The following LPCAT1 variants were observed in gnomAD, a reference collection of about 807,000 sequenced individuals.
LPCAT1 encodes the protein lysophosphatidylcholine acyltransferase 1.
Under a neutral mutation model 60.9 loss-of-function variants are expected in LPCAT1, and 23 were observed. That is an observed-to-expected ratio of 0.38 (90% confidence interval 0.27 to 0.53). The LOEUF (loss-of-function observed/expected upper bound fraction) is 0.53. Ranked by LOEUF, LPCAT1 falls within the 20% of genes least tolerant of loss-of-function variation. The probability of loss-of-function intolerance (pLI) is 0.82; values close to 1 mark genes in which losing one functional copy is unlikely to be tolerated. For missense variants in LPCAT1, 622 were observed against 723.6 expected, an observed-to-expected ratio of 0.86 and a Z score of 1.61; for synonymous variants, 340 against 301.1, an observed-to-expected ratio of 1.13 and a Z score of -1.34.
chr5:1,511,981 C>T (rs1736368547), intron 1 of LPCAT1, among the ~76,000 whole-genome samples: 1 of 152,226 alleles, frequency 6.6e-6, no homozygotes, highest in Non-Finnish European at 1.5e-5. Flanking sequence ...AGCATCACTT[C>T]CCGGTCTCAG....
At chr5:1,468,147 C>T (rs142417566) in intron 12 of LPCAT1, among the ~76,000 whole-genome samples, 15 of 152,190 alleles carry the variant, frequency 9.9e-5, no homozygotes, top group African/African-American at 3.4e-4. Context: ...ACCCTCTTCC[C>T]GGGGCTCTGC....
At position 1,495,055 on chromosome 5, in the gene LPCAT1, T is replaced by C. The variant is rs1399859192; in HGVS notation, c.279-141A>G. 2 of 728,246 alleles carry C rather than the reference T, an allele frequency of 2.7e-6. No homozygotes were observed. Among genetic ancestry groups the C allele is most frequent in the Non-Finnish European group, 4.4e-6 (2 of 452,290 alleles). 45.1% of individuals were successfully genotyped at this position (728,246 alleles called of 1,614,324 possible). On this transcript the variant is annotated intron_variant, in intron 2 of 13. Coordinates refer to ENST00000283415, the MANE Select transcript of LPCAT1 (RefSeq NM_024830.5). This position sits in a 1 kb window ranked among gnomAD's most constrained non-coding sequence, Gnocchi z 4.7. ...TCCTGTGGTCGCCGCCGCTGGGACA[T>C]CTGCTTGAGGGAAGAAAAGACGCCG...
In LPCAT1 at chr5:1,477,134, A is replaced by C. The variant is rs1161007349; in HGVS notation, c.899+270T>G. On this transcript the variant is annotated intron_variant, in intron 9 of 13. Transcript: ENST00000283415. This position sits in a 1 kb window ranked among gnomAD's most constrained non-coding sequence, Gnocchi z 6.0. ...CTGGCTCATTTAGGGCACAGGAAAC[A>C]TAGGACCTGGGGTGACCAACGGCTG... 6.6e-6 allele frequency among the ~76,000 whole-genome samples: 1 copy of C among 152,222 alleles called. No homozygotes were observed. Among genetic ancestry groups the C allele is most frequent in the Admixed American group, 6.5e-5 (1 of 15,288 alleles).
At chr5:1,475,752 CCCCG>C (rs1734882482) in intron 9 of LPCAT1, among the ~76,000 whole-genome samples, 1 of 151,908 alleles carries the variant, frequency 6.6e-6, no homozygotes, top group African/African-American at 2.4e-5. Flanking sequence ...GGCTGCACGG[CCCCG>C]CCCAGGCCCA....
At chr5:1,509,043 G>A (rs1018349939) in intron 1 of LPCAT1, among the ~76,000 whole-genome samples, 6 of 152,252 alleles carry the variant, frequency 3.9e-5, no homozygotes, top group African/African-American at 9.6e-5. Flanking sequence ...GGGATGCTGC[G>A]GCCCCTCCGA....
intron 1 of LPCAT1, among the ~76,000 whole-genome samples, chr5:1,519,047 G>A (rs1736593234): frequency 6.6e-6 from 1 of 152,262 alleles, no homozygotes; most frequent in African/African-American, 2.4e-5. Context: ...AGACCCAGAA[G>A]CTGCAGAGTT....
At chr5:1,474,482 C>T in intron 10 of LPCAT1, 78 bp downstream of exon 10, 1 of 1,547,636 alleles carries the variant, frequency 6.5e-7, no homozygotes, top group South Asian at 1.2e-5. Context: ...CCCCTCCCTG[C>T]AACCCCAGGC....
chr5:1,489,047 C>T (rs1735472087), intron 4 of LPCAT1, among the ~76,000 whole-genome samples: 1 of 152,216 alleles, frequency 6.6e-6, no homozygotes, highest in Non-Finnish European at 1.5e-5. Context: ...CAGTTCTGGG[C>T]CCCGTGAGGA....
At chr5:1,488,317 C>T in intron 5 of LPCAT1, 74 bp downstream of exon 5, 1 of 946,410 alleles carries the variant, frequency 1.1e-6, no homozygotes, top group Non-Finnish European at 1.6e-6. Context: ...GTGCACAGCA[C>T]ATTATTAAAA....
chr5:1,464,577 C>T (rs575231231), intron 13 of LPCAT1, among the ~76,000 whole-genome samples: 3 of 152,176 alleles, frequency 2.0e-5, no homozygotes, highest in Admixed American at 1.3e-4. Flanking sequence ...CACACACACA[C>T]GGTAACCAAA....
At chr5:1,511,616 C>T (rs1462171864) in intron 1 of LPCAT1, among the ~76,000 whole-genome samples, 1 of 152,246 alleles carries the variant, frequency 6.6e-6, no homozygotes, top group African/African-American at 2.4e-5. Flanking sequence ...GCTCACCTTA[C>T]GTGGGGATGC....
chr5:1,479,153 T>A (rs145240585), intron 8 of LPCAT1, among the ~76,000 whole-genome samples: 73 of 152,330 alleles, frequency 4.8e-4, no homozygotes, highest in African/African-American at 1.5e-3. Context: ...CCCCGCACTT[T>A]AGGAGGCCAA....
At chr5:1,498,718 A>G (rs1304778743) in intron 2 of LPCAT1, among the ~76,000 whole-genome samples, 1 of 152,160 alleles carries the variant, frequency 6.6e-6, no homozygotes, top group Non-Finnish European at 1.5e-5. Context: ...CACGATACAG[A>G]CATCCATCCA....
rs1252986684 is a variant in LPCAT1 at position 1,466,822 on chromosome 5, C to CA, written c.1346dup (p.Val451GlyfsTer14). 6.2e-7 allele frequency: 1 copy of CA among 1,613,534 alleles called. No homozygotes were observed. The highest frequency in any genetic ancestry group is 8.5e-7 in the Non-Finnish European group (1 of 1,179,620). On this transcript the variant is annotated frameshift_variant, in exon 13 of 14. Coordinates refer to ENST00000283415, the MANE Select transcript of LPCAT1 (RefSeq NM_024830.5). LOFTEE classifies it high-confidence loss of function. The stretch of plus-strand genomic sequence containing the variant: ...CGGTCACGGTGAGCTCTGCCACCCC[C>CA]AGGGCCGTCTTGAGGATGCAGGACA...
Position 1,462,316 on chromosome 5 carries a change from T to TA in LPCAT1, c.*1334dup, listed in dbSNP as rs1407893621. ...GAAGGATGGGTTTCTAATTCTGTCA[T>TA]AAAAAATGATGAAACAAGGTGATGT... On this transcript the variant is annotated 3_prime_UTR_variant, in exon 14 of 14. Coordinates refer to ENST00000283415, the MANE Select transcript of LPCAT1 (RefSeq NM_024830.5). The TA allele has an allele frequency of 6.6e-6, 1 of 152,490 alleles. No individual in the cohort carries two copies. The highest frequency in any genetic ancestry group is 1.5e-5 in the Non-Finnish European group (1 of 68,010). 9.4% of individuals were successfully genotyped at this position (152,490 alleles called of 1,614,324 possible).
At chr5:1,485,791 G>C (rs2126538677) in intron 5 of LPCAT1, among the ~76,000 whole-genome samples, 1 of 151,648 alleles carries the variant, frequency 6.6e-6, no homozygotes, top group East Asian at 1.9e-4. Context: ...CCACATCCAT[G>C]TCTGCTCACA....
At chr5:1,498,773 A>C (rs762489843) in intron 2 of LPCAT1, among the ~76,000 whole-genome samples, 4 of 152,172 alleles carry the variant, frequency 2.6e-5, no homozygotes, top group Non-Finnish European at 4.4e-5. Context: ...CAACACACAC[A>C]GGTACACAGC....
chr5:1,516,874 C>T (rs1736520956), intron 1 of LPCAT1, among the ~76,000 whole-genome samples: 1 of 152,194 alleles, frequency 6.6e-6, no homozygotes, highest in African/African-American at 2.4e-5. Flanking sequence ...AAGCTGGGAG[C>T]TGACTGTGCT....
intron 1 of LPCAT1, among the ~76,000 whole-genome samples, chr5:1,516,185 A>C (rs1736500729): frequency 6.6e-6 from 1 of 152,186 alleles, no homozygotes; most frequent in South Asian, 2.1e-4. Flanking sequence ...CTCTTTACAG[A>C]GACTTCCCCA....
Sources: allele counts gnomAD v4.1 joint callset (sites outside exome capture counted in the v4.1 genomes callset), GRCh38; gene constraint gnomAD v4.1.1; non-coding constraint Gnocchi (gnomAD v3.1); transcripts MANE v1.5; gene names NCBI Gene and HGNC (gene_info 2026-07-23, HGNC 2026-07-21).